C1orf94: variants seen among roughly 807,000 people sequenced by gnomAD.
The protein encoded by C1orf94 is chromosome 1 open reading frame 94.
A neutral mutation model predicts 53.6 loss-of-function variants in C1orf94; 45 were observed. The observed-to-expected ratio is 0.84, with a 90% confidence interval of 0.66 to 1.08. The LOEUF (loss-of-function observed/expected upper bound fraction) is 1.08, where lower values mean the gene tolerates loss of function less well. Among genes scored for constraint, C1orf94 ranks in the 50% least tolerant of loss-of-function variants. The pLI, the probability that C1orf94 is intolerant of heterozygous loss-of-function variation, is 0.00. For missense variants in C1orf94, 762 were observed against 738.9 expected (o/e 1.03, Z -0.36); for synonymous variants, 304 against 296.1 (o/e 1.03, Z -0.27).
intron 2 of C1orf94, among the ~76,000 whole-genome samples, chr1:34,199,760 G>A (rs1443150448): frequency 2.0e-5 from 3 of 152,202 alleles, no homozygotes; most frequent in Non-Finnish European, 4.4e-5. Context: ...TGAGAAACCT[G>A]TGTCTGCCAC....
chr1:34,191,696 G>A (rs987526106), intron 1 of C1orf94, among the ~76,000 whole-genome samples: 2 of 151,968 alleles, frequency 1.3e-5, no homozygotes, highest in Admixed American at 1.3e-4. Context: ...ATTTGTTTTG[G>A]TATCCTCCTC....
At chr1:34,189,657 G>A (rs560401109) in intron 1 of C1orf94, among the ~76,000 whole-genome samples, 4 of 152,188 alleles carry the variant, frequency 2.6e-5, no homozygotes, top group Non-Finnish European at 4.4e-5. Flanking sequence ...TAGGTTGGAC[G>A]CCAGAGCCAC....
chr1:34,217,785 T>C (rs1373669768), intron 6 of C1orf94, among the ~76,000 whole-genome samples: 3 of 152,212 alleles, frequency 2.0e-5, no homozygotes, highest in Admixed American at 2.0e-4. Flanking sequence ...AAGGGTACCA[T>C]GAATGTGAAT....
At chr1:34,173,365 G>A (rs1642175899), upstream of C1orf94, among the ~76,000 whole-genome samples, 1 of 152,214 alleles carries the variant, frequency 6.6e-6, no homozygotes, top group African/African-American at 2.4e-5. Context: ...GAACCTAAAA[G>A]GACCTACAAG....
rs758837739 is a variant in C1orf94, at chr1:34,200,752, C to T, written c.1010-20C>T. The T allele has an allele frequency of 3.1e-6, 5 of 1,613,182 alleles. No individual in the cohort carries two copies. In the South Asian group the frequency reaches 4.4e-5, roughly 14 times the overall value. On this transcript the variant is annotated intron_variant, in intron 2 of 6. Coordinates refer to ENST00000488417, the MANE Select transcript of C1orf94 (RefSeq NM_001134734.2). ...ACTTGGCCTTCCAGAGGCATTGACT[C>T]AGTTTCTTTCCTGCTACAGAATGGA... is the stretch of plus-strand genomic sequence containing the variant.
rs1642600985 is a variant in C1orf94 at position 34,197,230 on chromosome 1, T to C, written c.326T>C (p.Leu109Pro). The change falls in exon 2 of 7, where the codon CTG becomes CCG. Residue 109 changes from leucine (L) to proline (P), a missense_variant. Transcript: ENST00000488417. This position sits in a 1 kb window ranked among gnomAD's most constrained non-coding sequence, Gnocchi z 4.1. ...TCTCTCTGACCCATTTCCAGAGCTC[T>C]GGAGCTCAGCAGTGGCAAAGATGAG... ...GNELSFQEEALELSSGKDEIS... is the reference protein window; with the variant it reads ...GNELSFQEEAPELSSGKDEIS... 3 of 1,528,482 alleles carry C rather than the reference T, an allele frequency of 2.0e-6. No homozygotes were observed. The highest frequency in any genetic ancestry group is 1.8e-6 in the Non-Finnish European group (2 of 1,133,264). 94.7% of individuals were successfully genotyped at this position (1,528,482 alleles called of 1,614,324 possible).
intron 1 of C1orf94, among the ~76,000 whole-genome samples, chr1:34,183,477 A>G (rs1642340749): frequency 6.6e-6 from 1 of 152,258 alleles, no homozygotes; most frequent in Admixed American, 6.5e-5. Context: ...AGGGACACAG[A>G]GATAAGCAGA....
At chr1:34,180,772 T>G (rs1642300746) in intron 1 of C1orf94, among the ~76,000 whole-genome samples, 1 of 152,260 alleles carries the variant, frequency 6.6e-6, no homozygotes, top group Non-Finnish European at 1.5e-5. Context: ...GCTGCTTAAT[T>G]TGTAGACCTG....
At chr1:34,194,452 TTTGGTACAGGGATCTCA>T (rs1045936118) in intron 1 of C1orf94, among the ~76,000 whole-genome samples, 1 of 152,052 alleles carries the variant, frequency 6.6e-6, no homozygotes, top group Non-Finnish European at 1.5e-5. Flanking sequence ...TGGGGTGATT[TTTGGTACAGGGATCTCA>T]GGGCCCTGTG....
At chr1:34,190,717 C>T (rs928759419) in intron 1 of C1orf94, among the ~76,000 whole-genome samples, 1 of 152,218 alleles carries the variant, frequency 6.6e-6, no homozygotes, top group Non-Finnish European at 1.5e-5. Flanking sequence ...TGCCTCAGAT[C>T]ACTGGCTTTG....
At chr1:34,183,052 A>C (rs150226720) in intron 1 of C1orf94, among the ~76,000 whole-genome samples, 108 of 152,284 alleles carry the variant, frequency 7.1e-4, no homozygotes, top group African/African-American at 2.5e-3. Context: ...CCCATCACCA[A>C]GTTTCAAGCT....
intron 1 of C1orf94, among the ~76,000 whole-genome samples, chr1:34,187,760 AATCC>A (rs1642405229): frequency 1.4e-5 from 1 of 70,546 alleles, no homozygotes; most frequent in African/African-American, 5.7e-5. Flanking sequence ...CAGCTCACTG[AATCC>A]ACCCACCCCC....
Position 34,208,219 on chromosome 1 carries a change from A to G in C1orf94, c.1509A>G (p.Gly503=), listed in dbSNP as rs758286207. ...AGCAGGCTTTGCACCCGCAGCTGGG[A>G]TGTTACTCCCAACAGGTGAGTAGAC... ...PYQQALHPQL[G]CYSQQVMPYN... is the part of the protein sequence containing the mutation. The change falls in exon 5 of 7, where the codon GGA becomes GGG. Residue 503 remains glycine (G), a synonymous_variant. Transcript: ENST00000488417. The G allele has an allele frequency of 3.1e-6, 5 of 1,613,952 alleles. No homozygotes were observed. In the Admixed American group the frequency reaches 8.3e-5, roughly 27 times the overall value.
At chr1:34,214,752 C>G (rs191812948) in intron 6 of C1orf94, among the ~76,000 whole-genome samples, 1 of 151,930 alleles carries the variant, frequency 6.6e-6, no homozygotes, top group Admixed American at 6.6e-5. Flanking sequence ...GTAGGCAGCC[C>G]GAGGAAGGAG....
At chr1:34,172,171 T>A (rs1642154460), upstream of C1orf94, among the ~76,000 whole-genome samples, 1 of 152,166 alleles carries the variant, frequency 6.6e-6, no homozygotes, top group East Asian at 1.9e-4. Context: ...ACTACTGGGG[T>A]CTGGCAGAAA....
chr1:34,182,454 G>T (rs999594214), intron 1 of C1orf94, among the ~76,000 whole-genome samples: 1 of 152,166 alleles, frequency 6.6e-6, no homozygotes, highest in Non-Finnish European at 1.5e-5. Flanking sequence ...TTGAATCTCT[G>T]TCCAGCTTCT....
chr1:34,209,970 C>T (rs1253337240), intron 5 of C1orf94, among the ~76,000 whole-genome samples: 9 of 152,102 alleles, frequency 5.9e-5, no homozygotes, highest in Admixed American at 5.2e-4. Flanking sequence ...CATATTTTCC[C>T]GGCAATATCT....
At chr1:34,202,502 C>CCA (rs140557340) in intron 4 of C1orf94, among the ~76,000 whole-genome samples, 5 of 151,958 alleles carry the variant, frequency 3.3e-5, no homozygotes, top group Non-Finnish European at 7.4e-5. Flanking sequence ...GCGCACACCT[C>CCA]CACACACACA....
intron 5 of C1orf94, among the ~76,000 whole-genome samples, chr1:34,211,532 A>T (rs1642889155): frequency 6.6e-6 from 1 of 152,004 alleles, no homozygotes; most frequent in South Asian, 2.1e-4. Flanking sequence ...TTCCTCCTAG[A>T]CTCACACTGT....
Sources: gnomAD v4.1 joint callset for allele counts (sites outside exome capture counted in the v4.1 genomes callset) on GRCh38, gnomAD v4.1.1 for gene constraint, Gnocchi (gnomAD v3.1) non-coding constraint, MANE v1.5 for transcripts, NCBI Gene and HGNC (gene_info 2026-07-23, HGNC 2026-07-21) for gene names.